Variants in HDGFL3 observed in about 807,000 individuals in gnomAD.
HDGFL3 encodes HDGF like 3.
Under a neutral mutation model 27.6 loss-of-function variants are expected in HDGFL3, and 6 were observed. The ratio of observed to expected loss-of-function variants is 0.22; its 90% CI spans 0.12 to 0.43. The LOEUF (loss-of-function observed/expected upper bound fraction) is 0.43. HDGFL3 is among the 20% of genes least tolerant of loss of function. HDGFL3 has a pLI of 1.00. For synonymous variants in HDGFL3, 88 were observed against 88.9 expected (o/e 0.99, Z 0.05); for missense variants, 207 against 250.1 (o/e 0.83, Z 1.16).
At chr15:83,187,655 G>C (rs770660192) in intron 1 of HDGFL3, among the ~76,000 whole-genome samples, 9 of 152,138 alleles carry the variant, frequency 5.9e-5, no homozygotes, top group Non-Finnish European at 1.3e-4. Flanking sequence ...TTGGGAGGCT[G>C]AGGCGGGCGG....
intron 2 of HDGFL3, among the ~76,000 whole-genome samples, chr15:83,162,868 C>T (rs1282650977): frequency 6.6e-6 from 1 of 152,170 alleles, no homozygotes; most frequent in Non-Finnish European, 1.5e-5. Context: ...CTCCACATTT[C>T]CAATTTGTTC....
intron 5 of HDGFL3, among the ~76,000 whole-genome samples, chr15:83,146,361 C>T (rs1392120468): frequency 6.6e-6 from 1 of 152,134 alleles, no homozygotes; most frequent in African/African-American, 2.4e-5. Flanking sequence ...AGACAGTGCT[C>T]GTACAATGAA....
At chr15:83,159,151 A>G (rs963711450) in intron 2 of HDGFL3, among the ~76,000 whole-genome samples, 1 of 152,212 alleles carries the variant, frequency 6.6e-6, no homozygotes, top group Admixed American at 6.5e-5. Flanking sequence ...TATTATTTCT[A>G]TAAATTAAAA....
chr15:83,185,113 T>G (rs1300468211), intron 1 of HDGFL3: 1 of 152,196 alleles, frequency 6.6e-6, no homozygotes, highest in African/African-American at 2.4e-5. Flanking sequence ...AACCTCTGCC[T>G]CCCGGGTTCA....
At chr15:83,157,785 C>A in intron 3 of HDGFL3, 118 bp downstream of exon 3, 1 of 1,066,846 alleles carries the variant, frequency 9.4e-7, no homozygotes, top group South Asian at 1.4e-5. Flanking sequence ...CTACTGGAGT[C>A]AAAAAGAATT....
At chr15:83,174,875 C>G (rs1382123247) in intron 1 of HDGFL3, among the ~76,000 whole-genome samples, 2 of 152,186 alleles carry the variant, frequency 1.3e-5, no homozygotes, top group Admixed American at 1.3e-4. Flanking sequence ...GCAGAGGTTG[C>G]AAATTGGTGG....
rs758456840 is a variant in HDGFL3 at position 83,157,970 on chromosome 15, C to T, written c.233G>A (p.Arg78Gln). ...CCACAATCCTTCGTTAAATCCTTTC[C>T]GTTTGTTTGACTTTCCAAACTTGTC... ...YKDKFGKSNK[R>Q]KGFNEGLWEI... The change falls in exon 3 of 6, where the codon CGG becomes CAG. Residue 78 changes from arginine (R) to glutamine (Q), a missense_variant. By Grantham distance (43) the Arg-to-Gln change is conservative. Coordinates refer to ENST00000299633, the MANE Select transcript of HDGFL3 (RefSeq NM_016073.4). 3 of 1,612,116 alleles carry T rather than the reference C, an allele frequency of 1.9e-6. No homozygotes were observed. Among genetic ancestry groups the T allele is most frequent in the Non-Finnish European group, 2.5e-6 (3 of 1,178,608 alleles).
At chr15:83,140,595 C>A (rs1211105950) in intron 5 of HDGFL3, among the ~76,000 whole-genome samples, 3 of 150,942 alleles carry the variant, frequency 2.0e-5, no homozygotes, top group Non-Finnish European at 4.4e-5. Flanking sequence ...GATTCTCCTG[C>A]CTCAGCCTCC....
chr15:83,122,126 T>C, intron 3 of HDGFL3: 1 of 803,864 alleles, frequency 1.2e-6, no homozygotes, highest in Non-Finnish European at 2.0e-6. Context: ...AAACCTGTTT[T>C]GCAGAATAAT....
At chr15:83,164,598 A>T (rs1438215202) in intron 1 of HDGFL3, among the ~76,000 whole-genome samples, 1 of 152,118 alleles carries the variant, frequency 6.6e-6, no homozygotes, top group Non-Finnish European at 1.5e-5. Flanking sequence ...TGCACATCTG[A>T]TTATGTCACT....
At chr15:83,193,452 A>G (rs2037535720) in intron 1 of HDGFL3, among the ~76,000 whole-genome samples, 1 of 152,238 alleles carries the variant, frequency 6.6e-6, no homozygotes, top group South Asian at 2.1e-4. Context: ...GGAAGTAAAG[A>G]AATTGGAACC....
chr15:83,158,560 C>T (rs942450335), intron 2 of HDGFL3, among the ~76,000 whole-genome samples: 2 of 152,170 alleles, frequency 1.3e-5, no homozygotes, highest in Non-Finnish European at 2.9e-5. Flanking sequence ...ATGAACAATT[C>T]ATAGGTTTTA....
chr15:83,123,815 G>A (rs2035483107), downstream of HDGFL3, among the ~76,000 whole-genome samples: 1 of 152,210 alleles, frequency 6.6e-6, no homozygotes. Flanking sequence ...ATGCCATGAG[G>A]CATGCAGAAT....
At chr15:83,197,130 T>C (rs2037579655) in intron 1 of HDGFL3, among the ~76,000 whole-genome samples, 1 of 152,222 alleles carries the variant, frequency 6.6e-6, no homozygotes, top group African/African-American at 2.4e-5. Flanking sequence ...TGATATTTCA[T>C]AACTCTACCA....
chr15:83,141,435 T>C (rs1386383461), intron 5 of HDGFL3, among the ~76,000 whole-genome samples: 1 of 152,240 alleles, frequency 6.6e-6, no homozygotes, highest in Non-Finnish European at 1.5e-5. Flanking sequence ...ATATTCAATA[T>C]GGCTATGCAG....
chr15:83,131,788 G>A lies in HDGFL3; in HGVS notation c.*7482C>T. On this transcript the variant is annotated 3_prime_UTR_variant, in exon 6 of 6. Transcript: ENST00000299633. ...ACCAGGACACATTTTAGACCAAAGA[G>A]TTCCACTGGGGACTTACTCATAACC... is the stretch of plus-strand genomic sequence containing the variant. The A allele has an allele frequency of 6.6e-6, 1 of 152,188 alleles. No individual in the cohort carries two copies. Among genetic ancestry groups the A allele is most frequent in the East Asian group, 1.9e-4 (1 of 5,204 alleles). The allele number at this position is 152,188 out of a possible 1,614,324, so 9.4% of individuals were successfully genotyped here.
At chr15:83,202,136 T>C (rs557230949) in intron 1 of HDGFL3, among the ~76,000 whole-genome samples, 2 of 152,208 alleles carry the variant, frequency 1.3e-5, no homozygotes, top group East Asian at 1.9e-4. Context: ...TCCCAACAAA[T>C]ATTTATATTA....
Position 83,130,202 on chromosome 15 carries a change from C to CA in HDGFL3, c.*9067dup, listed in dbSNP as rs1158316465. ...AGGAAAACCTAGGCAAAAGCCTAGT[C>CA]ACATGGCCAGGGTCAACAGTCAGGA... On this transcript the variant is annotated 3_prime_UTR_variant, in exon 6 of 6. Transcript: ENST00000299633. 3 of 152,318 alleles carry CA rather than the reference C, an allele frequency of 2.0e-5. No homozygotes were observed. Among genetic ancestry groups the CA allele is most frequent in the Non-Finnish European group, 4.4e-5 (3 of 68,152 alleles). 9.4% of individuals were successfully genotyped at this position (152,318 alleles called of 1,614,324 possible). A position where few individuals can be genotyped will look rare whatever the true frequency, so the allele number is the denominator to read the frequency against.
rs551426762 is a variant in HDGFL3 at position 83,162,212 on chromosome 15, T to C, written c.161+1787A>G. Among the ~76,000 whole-genome samples the C allele has an allele frequency of 6.6e-4, 101 of 152,298 alleles. 1 individual carries two copies. The highest frequency in any genetic ancestry group is 2.3e-3 in the African/African-American group (94 of 41,566). ...AGTAGAGTAAGAAACACTGACATAA[T>C]TTCTGCCTTCAGAGAGGGTGAACAT... On this transcript the variant is annotated intron_variant, in intron 2 of 5. Transcript: ENST00000299633.
Sources: gnomAD v4.1 joint callset for allele counts (sites outside exome capture counted in the v4.1 genomes callset) on GRCh38, gnomAD v4.1.1 for gene constraint, MANE v1.5 for transcripts, NCBI Gene and HGNC (gene_info 2026-07-23, HGNC 2026-07-21) for gene names.